Variants in C8orf34 observed in about 807,000 individuals in gnomAD.
The protein encoded by C8orf34 is uncharacterized protein C8orf34.
C8orf34 carries 65 observed loss-of-function variants against 68.3 expected under a neutral mutation model. The ratio of observed to expected loss-of-function variants is 0.95; its 90% confidence interval spans 0.78 to 1.17. The LOEUF (loss-of-function observed/expected upper bound fraction) is 1.17. C8orf34 is among the 50% of genes most tolerant of loss of function. The probability of loss-of-function intolerance (pLI) is 0.00; values close to 1 mark genes in which losing one functional copy is unlikely to be tolerated. For missense variants in C8orf34, 664 were observed against 655.4 expected, an observed-to-expected ratio of 1.01 and a Z score of -0.14; for synonymous variants, 244 against 241.2, an observed-to-expected ratio of 1.01 and a Z score of -0.11.
At chr8:68,333,460 A>G (rs986875812) in intron 1 of C8orf34, among the ~76,000 whole-genome samples, 4 of 152,244 alleles carry the variant, frequency 2.6e-5, no homozygotes, top group African/African-American at 9.6e-5. Context: ...TCTTTTAATA[A>G]AAGCTGGATG....
rs202043862 is a variant in C8orf34 at position 68,387,828 on chromosome 8, AGT to A, written c.328-51668_328-51667del. Among the ~76,000 whole-genome samples the A allele has an allele frequency of 5.8e-3, 888 of 152,348 alleles. 6 individuals carry two copies. The highest frequency in any genetic ancestry group is 0.017 in the Middle Eastern group (5 of 294). ...TAGAGCATGAATGTGACAACTCTACAGTGTTTTTTTCTTTATTTAGCATATAT... is the reference window on the plus strand; with the variant it reads ...TAGAGCATGAATGTGACAACTCTACAGTTTTTTTCTTTATTTAGCATATAT... On this transcript the variant is annotated intron_variant, in intron 1 of 13. Coordinates refer to ENST00000518698, the MANE Select transcript of C8orf34 (RefSeq NM_052958.4).
chr8:68,738,147 C>A (rs1563639284), intron 10 of C8orf34, among the ~76,000 whole-genome samples: 1 of 152,002 alleles, frequency 6.6e-6, no homozygotes, highest in Non-Finnish European at 1.5e-5. Flanking sequence ...CTAAGAAATT[C>A]AATCAAAACA....
intron 10 of C8orf34, among the ~76,000 whole-genome samples, chr8:68,735,880 G>A (rs1822108639): frequency 6.6e-6 from 1 of 151,998 alleles, no homozygotes; most frequent in Admixed American, 6.6e-5. Flanking sequence ...TTGTGAAACT[G>A]CCCAATTTAA....
At chr8:68,743,885 G>A (rs1158824425) in intron 10 of C8orf34, among the ~76,000 whole-genome samples, 2 of 152,242 alleles carry the variant, frequency 1.3e-5, no homozygotes, top group East Asian at 1.9e-4. Context: ...GCCCACCACA[G>A]CTCAAGGAGG....
chr8:68,774,354 A>ATATATATATATAT (rs1344573894), intron 10 of C8orf34, among the ~76,000 whole-genome samples: 7 of 111,336 alleles, frequency 6.3e-5, no homozygotes, highest in African/African-American at 3.9e-4. Flanking sequence ...TATATAAAAT[A>ATATATATATATAT]AACAAAAAAA....
At chr8:68,567,111 C>T (rs568301129) in intron 7 of C8orf34, among the ~76,000 whole-genome samples, 51 of 152,162 alleles carry the variant, frequency 3.4e-4, no homozygotes, top group African/African-American at 1.1e-3. Context: ...TTCCTTTTCT[C>T]GTTTTGGTAT....
At chr8:68,794,837 C>T (rs1174840673) in intron 12 of C8orf34, among the ~76,000 whole-genome samples, 1 of 151,950 alleles carries the variant, frequency 6.6e-6, no homozygotes, top group African/African-American at 2.4e-5. Context: ...CATAAACATC[C>T]TAAATCTAAA....
In C8orf34 at chr8:68,389,704, A is replaced by G. The variant is rs148292332; in HGVS notation, c.328-49795A>G. Among the ~76,000 whole-genome samples, 117 of 152,302 alleles carry G rather than the reference A, an allele frequency of 7.7e-4. 2 individuals carry two copies. Among genetic ancestry groups the G allele is most frequent in the African/African-American group, 2.5e-3 (104 of 41,576 alleles). The stretch of plus-strand genomic sequence containing the variant: ...GACACTTCTTCAGCCAAGAGGTTAC[A>G]AATTAAAAACCTGAAGGTGCGAGCA... On this transcript the variant is annotated intron_variant, in intron 1 of 13. Coordinates refer to ENST00000518698, the MANE Select transcript of C8orf34 (RefSeq NM_052958.4).
chr8:68,745,288 A>T (rs940659252), intron 10 of C8orf34, among the ~76,000 whole-genome samples: 1 of 152,172 alleles, frequency 6.6e-6, no homozygotes, highest in African/African-American at 2.4e-5. Context: ...TCATGCCAAA[A>T]TGTAAAGACC....
intron 7 of C8orf34, among the ~76,000 whole-genome samples, chr8:68,599,997 T>C (rs560024334): frequency 6.6e-6 from 1 of 152,038 alleles, no homozygotes; most frequent in South Asian, 2.1e-4. Flanking sequence ...AGAAGATACA[T>C]CTATGGCCAA....
Position 68,714,794 on chromosome 8 carries a change from C to T in C8orf34, c.1327+5715C>T, listed in dbSNP as rs1030471251. Among the ~76,000 whole-genome samples the T allele has an allele frequency of 5.3e-5, 8 of 152,090 alleles. No homozygotes were observed. The South Asian group carries it at 6.2e-4, about 12-fold the overall frequency. On this transcript the variant is annotated intron_variant, in intron 9 of 13. Transcript: ENST00000518698. ...GACAATCCTAAAATTCATATGGAAC[C>T]GAAAAAGAGACTGCATAGCTAAAGC...
At chr8:68,594,752 G>A (rs890172707) in intron 7 of C8orf34, among the ~76,000 whole-genome samples, 7 of 152,020 alleles carry the variant, frequency 4.6e-5, no homozygotes, top group African/African-American at 1.4e-4. Flanking sequence ...GACAGTCTTG[G>A]ACTTTTGAAC....
At chr8:68,739,047 A>G (rs186746834) in intron 10 of C8orf34, among the ~76,000 whole-genome samples, 66 of 152,292 alleles carry the variant, frequency 4.3e-4, no homozygotes, top group African/African-American at 1.5e-3. Flanking sequence ...AAAATCCTCA[A>G]CAAAATACTG....
At chr8:68,615,559 T>G (rs1818180912) in intron 7 of C8orf34, among the ~76,000 whole-genome samples, 1 of 152,254 alleles carries the variant, frequency 6.6e-6, no homozygotes, top group Non-Finnish European at 1.5e-5. Flanking sequence ...ATGTGGTTTT[T>G]GACTTTGGTT....
At chr8:68,330,763 G>A (rs907737786), upstream of C8orf34, 12 of 396,050 alleles carry the variant, frequency 3.0e-5, no homozygotes, top group Non-Finnish European at 5.3e-5. Flanking sequence ...CGTCACCGGG[G>A]AAAGGAGGTA....
At chr8:68,527,648 C>T (rs1272250000) in intron 6 of C8orf34, among the ~76,000 whole-genome samples, 3 of 152,126 alleles carry the variant, frequency 2.0e-5, no homozygotes, top group Non-Finnish European at 4.4e-5. Flanking sequence ...GATTGATAGC[C>T]GTTAGGTCAC....
At chr8:68,680,277 G>T (rs1222905505) in intron 8 of C8orf34, among the ~76,000 whole-genome samples, 1 of 152,142 alleles carries the variant, frequency 6.6e-6, no homozygotes, top group Non-Finnish European at 1.5e-5. Context: ...TTTCTCAAAA[G>T]AAGACATACA....
At chr8:68,699,363 A>G (rs568350268) in intron 8 of C8orf34, among the ~76,000 whole-genome samples, 1 of 152,216 alleles carries the variant, frequency 6.6e-6, no homozygotes, top group South Asian at 2.1e-4. Context: ...GCTGATTCCA[A>G]TGCCCAGGGC....
intron 1 of C8orf34, among the ~76,000 whole-genome samples, chr8:68,356,180 T>C (rs1444827878): frequency 6.6e-6 from 1 of 152,204 alleles, no homozygotes; most frequent in Non-Finnish European, 1.5e-5. Flanking sequence ...CTGAAATGTA[T>C]GGTTTATGTG....
Sources: allele counts gnomAD v4.1 joint callset (sites outside exome capture counted in the v4.1 genomes callset), GRCh38; gene constraint gnomAD v4.1.1; transcripts MANE v1.5; gene names NCBI Gene and HGNC (gene_info 2026-07-23, HGNC 2026-07-21).